ZNF407: variants seen among roughly 807,000 people sequenced by gnomAD.
The protein encoded by ZNF407 is zinc finger protein 407.
In ZNF407, 17 loss-of-function variants were observed where a neutral mutation model predicts 131.2. The observed-to-expected ratio is 0.13, with a 90% CI of 0.09 to 0.19. ZNF407 has a LOEUF of 0.19. ZNF407 is among the 10% of genes least tolerant of loss of function. The pLI is 1.00. For missense variants in ZNF407, 2,681 were observed against 2,830.6 expected (o/e 0.95, Z 1.20); for synonymous variants, 1,156 against 1,062.0 (o/e 1.09, Z -1.72).
At chr18:75,039,440 G>A (rs1973346739) in intron 8 of ZNF407, among the ~76,000 whole-genome samples, 1 of 152,140 alleles carries the variant, frequency 6.6e-6, no homozygotes, top group Non-Finnish European at 1.5e-5. Context: ...ACTGATGTGT[G>A]GATGATAAAG....
intron 4 of ZNF407, among the ~76,000 whole-genome samples, chr18:74,848,330 G>A (rs960277074): frequency 1.3e-5 from 2 of 152,140 alleles, no homozygotes; most frequent in Non-Finnish European, 2.9e-5. Context: ...GGTGATACTT[G>A]ACTGGAAAGT....
intron 8 of ZNF407, among the ~76,000 whole-genome samples, chr18:74,988,547 A>T (rs1448852716): frequency 6.6e-6 from 1 of 151,518 alleles, no homozygotes; most frequent in African/African-American, 2.4e-5. Context: ...ATTCTAGAGT[A>T]CTTAAAGAAC....
At chr18:74,864,604 A>C (rs984980663) in intron 4 of ZNF407, among the ~76,000 whole-genome samples, 2 of 152,188 alleles carry the variant, frequency 1.3e-5, no homozygotes, top group Non-Finnish European at 2.9e-5. Context: ...TTAATCCATA[A>C]TTTTTATGAC....
chr18:74,863,077 C>T (rs1212297535), intron 4 of ZNF407, among the ~76,000 whole-genome samples: 4 of 151,860 alleles, frequency 2.6e-5, no homozygotes, highest in South Asian at 2.1e-4. Context: ...CACACCACTA[C>T]GCCCGGCTAT....
At chr18:74,856,744 A>G (rs1970864351) in intron 4 of ZNF407, among the ~76,000 whole-genome samples, 1 of 152,228 alleles carries the variant, frequency 6.6e-6, no homozygotes, top group Non-Finnish European at 1.5e-5. Context: ...ATCATTGTCA[A>G]GTTTGAACAA....
intron 8 of ZNF407, among the ~76,000 whole-genome samples, chr18:74,921,224 G>C (rs991587950): frequency 2.6e-5 from 4 of 152,146 alleles, no homozygotes; most frequent in African/African-American, 9.7e-5. Flanking sequence ...CTGGTGATGG[G>C]AGCGGCTGCT....
chr18:74,627,442 T>C (rs968260145), intron 1 of ZNF407, among the ~76,000 whole-genome samples: 3 of 152,206 alleles, frequency 2.0e-5, no homozygotes, highest in Non-Finnish European at 2.9e-5. Flanking sequence ...CAATTGCAAA[T>C]GTTGAATAGC....
chr18:74,938,101 C>T (rs867974822), intron 8 of ZNF407, among the ~76,000 whole-genome samples: 2 of 152,146 alleles, frequency 1.3e-5, no homozygotes, highest in African/African-American at 2.4e-5. Flanking sequence ...TGCTTATGAG[C>T]GGGCCCCATA....
intron 3 of ZNF407, among the ~76,000 whole-genome samples, chr18:74,696,598 A>G (rs1029096122): frequency 3.3e-5 from 5 of 152,210 alleles, no homozygotes; most frequent in Admixed American, 3.3e-4. Flanking sequence ...GTTTCCCAAC[A>G]AATATATCAT....
intron 1 of ZNF407, among the ~76,000 whole-genome samples, chr18:74,621,844 A>G (rs1983524331): frequency 1.3e-5 from 2 of 152,184 alleles, no homozygotes; most frequent in Admixed American, 1.3e-4. Context: ...CAAACATGTA[A>G]ATTAGGAATG....
intron 3 of ZNF407, among the ~76,000 whole-genome samples, chr18:74,693,250 C>T (rs544276677): frequency 3.7e-4 from 56 of 152,174 alleles, no homozygotes; most frequent in Non-Finnish European, 5.9e-4. Flanking sequence ...CTGATGGGCT[C>T]GAGAAAAGTT....
intron 8 of ZNF407, among the ~76,000 whole-genome samples, chr18:74,989,429 G>A (rs1021596941): frequency 6.6e-6 from 1 of 152,232 alleles, no homozygotes; most frequent in African/African-American, 2.4e-5. Flanking sequence ...AGCTACATGG[G>A]CACTGTTTAT....
At chr18:74,920,177 T>C (rs1971827648) in intron 7 of ZNF407, among the ~76,000 whole-genome samples, 1 of 152,228 alleles carries the variant, frequency 6.6e-6, no homozygotes, top group Non-Finnish European at 1.5e-5. Flanking sequence ...GTACCACTCC[T>C]CAGTGGTAAT....
chr18:74,889,776 G>A, intron 6 of ZNF407, 142 bp from the exon 7 acceptor site: 1 of 693,400 alleles, frequency 1.4e-6, no homozygotes, highest in African/African-American at 1.8e-5. Flanking sequence ...ATATTCAAAT[G>A]TCCTAAGTGT....
At chr18:74,989,171 G>A (rs967425741) in intron 8 of ZNF407, among the ~76,000 whole-genome samples, 1 of 152,214 alleles carries the variant, frequency 6.6e-6, no homozygotes, top group Non-Finnish European at 1.5e-5. Context: ...ATGCGCCTCA[G>A]CAATGTTATC....
intron 8 of ZNF407, among the ~76,000 whole-genome samples, chr18:74,970,056 G>A (rs1295044501): frequency 2.0e-5 from 3 of 152,114 alleles, no homozygotes; most frequent in Non-Finnish European, 2.9e-5. Context: ...GATAAAACAA[G>A]GAAGAAGCAA....
intron 8 of ZNF407, among the ~76,000 whole-genome samples, chr18:75,018,300 A>G (rs752492112): frequency 1.6e-4 from 25 of 152,034 alleles, no homozygotes; most frequent in Non-Finnish European, 3.1e-4. Flanking sequence ...ATATTGAAAT[A>G]CTTATATAAT....
intron 6 of ZNF407, among the ~76,000 whole-genome samples, chr18:74,882,901 G>T (rs1176839473): frequency 6.6e-6 from 1 of 152,174 alleles, no homozygotes; most frequent in East Asian, 1.9e-4. Context: ...TGCTCAAATT[G>T]TTACTGTTTA....
chr18:74,972,282 G>A (rs950775277), intron 8 of ZNF407, among the ~76,000 whole-genome samples: 3 of 152,148 alleles, frequency 2.0e-5, no homozygotes, highest in Admixed American at 2.0e-4. Flanking sequence ...TACTGTCTGA[G>A]CCAGTGGATC....
Sources: gnomAD v4.1 joint callset for allele counts (sites outside exome capture counted in the v4.1 genomes callset) on GRCh38, gnomAD v4.1.1 for gene constraint, MANE v1.5 for transcripts, NCBI Gene and HGNC (gene_info 2026-07-23, HGNC 2026-07-21) for gene names.